The following CCDC178 variants were observed in gnomAD, a reference collection of about 807,000 sequenced individuals.
The protein encoded by CCDC178 is coiled-coil domain-containing protein 178.
In CCDC178, 126 loss-of-function variants were observed where a neutral mutation model predicts 117.4. The ratio of observed to expected loss-of-function variants is 1.07; its 90% CI spans 0.93 to 1.24. CCDC178 has a LOEUF of 1.24. CCDC178 is among the 50% of genes most tolerant of loss of function. The probability of loss-of-function intolerance (pLI) is 0.00; values close to 1 mark genes in which losing one functional copy is unlikely to be tolerated. For missense variants in CCDC178, 1,030 were observed against 986.9 expected, an observed-to-expected ratio of 1.04 and a Z score of -0.59; for synonymous variants, 283 against 313.4, an observed-to-expected ratio of 0.90 and a Z score of 1.02.
intron 21 of CCDC178, among the ~76,000 whole-genome samples, chr18:33,041,964 T>C (rs2144895606): frequency 6.6e-6 from 1 of 151,940 alleles, no homozygotes; most frequent in East Asian, 1.9e-4. Context: ...AAGAATGTTT[T>C]GTTTTTGTTT....
intron 21 of CCDC178, among the ~76,000 whole-genome samples, chr18:33,008,802 G>T (rs1335704996): frequency 6.6e-6 from 1 of 151,908 alleles, no homozygotes; most frequent in Non-Finnish European, 1.5e-5. Flanking sequence ...TCTAATGATT[G>T]CCAACATTAT....
intron 11 of CCDC178, among the ~76,000 whole-genome samples, chr18:33,296,844 G>T (rs1163860057): frequency 6.6e-6 from 1 of 152,076 alleles, no homozygotes; most frequent in South Asian, 2.1e-4. Context: ...CTGGCTCATG[G>T]TGAAACTCTG....
At chr18:33,244,607 C>A (rs921246672) in intron 15 of CCDC178, among the ~76,000 whole-genome samples, 1 of 151,852 alleles carries the variant, frequency 6.6e-6, no homozygotes, top group Admixed American at 6.6e-5. Context: ...TGTAAGTTTA[C>A]TGAGGCCTCC....
chr18:33,269,224 T>C (rs1465161148), intron 12 of CCDC178, among the ~76,000 whole-genome samples: 37 of 151,844 alleles, frequency 2.4e-4, no homozygotes, highest in Admixed American at 2.4e-3. Context: ...AGGCAATTGA[T>C]AAACTCTGTG....
At chr18:33,369,154 G>A (rs1599231362) in intron 6 of CCDC178, among the ~76,000 whole-genome samples, 1 of 151,894 alleles carries the variant, frequency 6.6e-6, no homozygotes, top group Non-Finnish European at 1.5e-5. Context: ...GTAACACAAT[G>A]CTGATATAGA....
At chr18:33,159,953 T>C (rs992387171) in intron 20 of CCDC178, among the ~76,000 whole-genome samples, 1 of 152,122 alleles carries the variant, frequency 6.6e-6, no homozygotes, top group Non-Finnish European at 1.5e-5. Context: ...ATAGCATTCC[T>C]ATCAATCATC....
At chr18:33,058,493 C>T (rs566977841) in intron 21 of CCDC178, among the ~76,000 whole-genome samples, 1 of 152,204 alleles carries the variant, frequency 6.6e-6, no homozygotes, top group East Asian at 1.9e-4. Context: ...ATGCTAGAGA[C>T]AGAAATAGTA....
intron 20 of CCDC178, among the ~76,000 whole-genome samples, chr18:33,118,593 A>G (rs1031326600): frequency 2.6e-5 from 4 of 152,168 alleles, no homozygotes; most frequent in African/African-American, 9.7e-5. Flanking sequence ...GGAAGAATCA[A>G]TATTGTGAAA....
At chr18:33,365,945 T>C (rs1456098144) in intron 6 of CCDC178, among the ~76,000 whole-genome samples, 1 of 152,090 alleles carries the variant, frequency 6.6e-6, no homozygotes, top group African/African-American at 2.4e-5. Context: ...AAAATTCTCA[T>C]AGTAACTCCA....
intron 21 of CCDC178, among the ~76,000 whole-genome samples, chr18:33,012,959 A>C (rs1192608114): frequency 6.6e-6 from 1 of 152,178 alleles, no homozygotes; most frequent in Non-Finnish European, 1.5e-5. Context: ...TATTTTGCAA[A>C]TATCAGCCTA....
Position 33,307,560 on chromosome 18 carries a change from G to A in CCDC178, c.1023-14248C>T, listed in dbSNP as rs1453207078. On this transcript the variant is annotated intron_variant, in intron 11 of 22. Transcript: ENST00000383096. ...AGAACACAAAACCCTATTTTCTGGG[G>A]AGAAATGCAAGCTGGCTGCATACAT... Among the ~76,000 whole-genome samples the A allele has an allele frequency of 2.0e-5, 3 of 152,198 alleles. No homozygotes were observed. The East Asian group carries it at 5.8e-4, about 29-fold the overall frequency.
chr18:32,990,147 G>C (rs1486917899), intron 21 of CCDC178, among the ~76,000 whole-genome samples: 1 of 152,016 alleles, frequency 6.6e-6, no homozygotes, highest in Non-Finnish European at 1.5e-5. Flanking sequence ...AATATGTAAG[G>C]AACCATGGCC....
At chr18:33,308,626 G>C (rs896721850) in intron 11 of CCDC178, among the ~76,000 whole-genome samples, 2 of 152,156 alleles carry the variant, frequency 1.3e-5, no homozygotes, top group African/African-American at 2.4e-5. Context: ...TGTTTTGGCT[G>C]TGTCCCTACC....
intron 15 of CCDC178, among the ~76,000 whole-genome samples, chr18:33,230,246 C>T (rs1223206065): frequency 1.4e-5 from 2 of 147,998 alleles, no homozygotes; most frequent in Non-Finnish European, 3.0e-5. Flanking sequence ...AACTCAGAGG[C>T]TGTGTGTGTG....
intron 20 of CCDC178, among the ~76,000 whole-genome samples, chr18:33,203,261 A>G (rs995255797): frequency 2.6e-5 from 4 of 152,144 alleles, no homozygotes; most frequent in African/African-American, 7.2e-5. Flanking sequence ...CAATAAATTA[A>G]AGATATTAGG....
intron 6 of CCDC178, among the ~76,000 whole-genome samples, chr18:33,359,059 T>TG (rs1411122605): frequency 6.6e-6 from 1 of 151,828 alleles, no homozygotes; most frequent in African/African-American, 2.4e-5. Flanking sequence ...ATCCACATGA[T>TG]GTTGATTTAT....
chr18:33,088,680 A>C (rs902541074), intron 21 of CCDC178, among the ~76,000 whole-genome samples: 7 of 152,160 alleles, frequency 4.6e-5, no homozygotes, highest in African/African-American at 1.7e-4. Context: ...TATTCCCTAG[A>C]GGCCAACACA....
chr18:33,091,609 C>A (rs746374081), intron 21 of CCDC178, among the ~76,000 whole-genome samples: 10 of 151,766 alleles, frequency 6.6e-5, no homozygotes, highest in Admixed American at 2.6e-4. Context: ...ACACTTGTAC[C>A]TTGATGTATC....
chr18:32,988,932 A>T (rs2055328977), intron 21 of CCDC178, among the ~76,000 whole-genome samples: 1 of 152,122 alleles, frequency 6.6e-6, no homozygotes, highest in Admixed American at 6.5e-5. Flanking sequence ...AGAAAGCTAC[A>T]TATTCTTACA....
Sources: allele counts gnomAD v4.1 joint callset (sites outside exome capture counted in the v4.1 genomes callset), GRCh38; gene constraint gnomAD v4.1.1; transcripts MANE v1.5; gene names NCBI Gene and HGNC (gene_info 2026-07-23, HGNC 2026-07-21).